ITGA9: variants seen among roughly 807,000 people sequenced by gnomAD.
The protein encoded by ITGA9 is integrin alpha-9.
ITGA9 carries 56 observed loss-of-function variants against 127.8 expected under a neutral mutation model. The ratio of observed to expected loss-of-function variants is 0.44; its 90% CI spans 0.35 to 0.55. The LOEUF is 0.55. ITGA9 is among the 20% of genes least tolerant of loss of function. The pLI is 0.00. For missense variants in ITGA9, 1,196 were observed against 1,347.1 expected (o/e 0.89, Z 1.76); for synonymous variants, 508 against 514.5 (o/e 0.99, Z 0.17).
chr3:37,521,133 GAA>G (rs2125581364), intron 11 of ITGA9, among the ~76,000 whole-genome samples: 1 of 152,268 alleles, frequency 6.6e-6, no homozygotes, highest in East Asian at 1.9e-4. Context: ...GAAAAAAAAA[GAA>G]AGAAGCAACT....
intron 25 of ITGA9, among the ~76,000 whole-genome samples, chr3:37,782,584 C>A: frequency 6.6e-6 from 1 of 152,290 alleles, no homozygotes; most frequent in Non-Finnish European, 1.5e-5. Flanking sequence ...CAAAGTTGAC[C>A]TGGAAGCCAG....
chr3:37,495,870 G>A (rs1194629327), intron 5 of ITGA9, among the ~76,000 whole-genome samples: 1 of 152,122 alleles, frequency 6.6e-6, no homozygotes, highest in Non-Finnish European at 1.5e-5. Context: ...TAGCCCCAGG[G>A]TCCTTCAAAT....
intron 15 of ITGA9, among the ~76,000 whole-genome samples, chr3:37,573,548 G>A (rs1353519454): frequency 2.0e-5 from 3 of 152,124 alleles, no homozygotes; most frequent in Non-Finnish European, 4.4e-5. Context: ...TTAGGACAGG[G>A]ACCTCAGATG....
intron 26 of ITGA9, among the ~76,000 whole-genome samples, chr3:37,794,428 C>G (rs915472918): frequency 6.6e-6 from 1 of 152,168 alleles, no homozygotes; most frequent in Non-Finnish European, 1.5e-5. Context: ...TAGGAGTGAC[C>G]CTTGGCTCTA....
chr3:37,681,847 G>A (rs561299988), intron 17 of ITGA9, among the ~76,000 whole-genome samples: 2 of 151,530 alleles, frequency 1.3e-5, no homozygotes, highest in South Asian at 2.1e-4. Flanking sequence ...CCTCTCAAAC[G>A]TTCACCTCTT....
intron 26 of ITGA9, among the ~76,000 whole-genome samples, chr3:37,785,539 T>C (rs1165343324): frequency 6.6e-6 from 1 of 152,134 alleles, no homozygotes; most frequent in Non-Finnish European, 1.5e-5. Flanking sequence ...TGGTGTGCAG[T>C]CATAACTCCC....
At chr3:37,642,462 G>GGCTA in intron 16 of ITGA9, among the ~76,000 whole-genome samples, 1 of 152,188 alleles carries the variant, frequency 6.6e-6, no homozygotes, top group East Asian at 1.9e-4. Context: ...AAGAACACAA[G>GGCTA]GCTAGTTCCT....
intron 16 of ITGA9, among the ~76,000 whole-genome samples, chr3:37,646,649 G>C (rs1465910744): frequency 6.6e-6 from 1 of 152,236 alleles, no homozygotes; most frequent in East Asian, 1.9e-4. Flanking sequence ...GAAATAACTA[G>C]ACAGGGCTTT....
At position 37,744,046 on chromosome 3, in the gene ITGA9, T is replaced by C; in HGVS notation, c.2433+12T>C. 6.4e-7 allele frequency: 1 copy of C among 1,553,544 alleles called. No individual in the cohort carries two copies. The highest frequency in any genetic ancestry group is 8.9e-7 in the Non-Finnish European group (1 of 1,124,656). ...ATATCACCCTTCAGGTACCCACTCC[T>C]GGAGACCTCCTCTGTCCGTGGGGGC... On this transcript the variant is annotated intron_variant, in intron 22 of 27. Transcript: ENST00000264741.
At chr3:37,623,774 G>A (rs1341811259) in intron 15 of ITGA9, among the ~76,000 whole-genome samples, 10 of 151,824 alleles carry the variant, frequency 6.6e-5, no homozygotes, top group Admixed American at 6.6e-4. Flanking sequence ...TATCATTACT[G>A]GAAATGCAAA....
intron 18 of ITGA9, among the ~76,000 whole-genome samples, chr3:37,693,511 C>T (rs1338559587): frequency 6.6e-6 from 1 of 152,136 alleles, no homozygotes; most frequent in East Asian, 1.9e-4. Context: ...AGGGTGGTCC[C>T]TTTCTTTCAG....
intron 4 of ITGA9, among the ~76,000 whole-genome samples, chr3:37,485,609 C>T (rs1199806685): frequency 1.3e-5 from 2 of 152,136 alleles, no homozygotes; most frequent in Admixed American, 6.5e-5. Flanking sequence ...GCCAGCTGTG[C>T]TCCTTTACAA....
intron 23 of ITGA9, among the ~76,000 whole-genome samples, chr3:37,754,776 G>T (rs1696629950): frequency 6.6e-6 from 1 of 152,110 alleles, no homozygotes; most frequent in African/African-American, 2.4e-5. Flanking sequence ...CCCTCCCCAT[G>T]CTTGTACAGT....
At chr3:37,476,792 G>A (rs1005582750) in intron 3 of ITGA9, among the ~76,000 whole-genome samples, 2 of 152,118 alleles carry the variant, frequency 1.3e-5, no homozygotes, top group African/African-American at 2.4e-5. Context: ...TTATTTTGTG[G>A]CCATATGTCC....
At chr3:37,781,507 T>C (rs1362120131) in intron 25 of ITGA9, among the ~76,000 whole-genome samples, 2 of 152,242 alleles carry the variant, frequency 1.3e-5, no homozygotes, top group African/African-American at 4.8e-5. Context: ...TTTGCTATTA[T>C]GAGTTTATCA....
chr3:37,476,912 A>C (rs1698500625), intron 3 of ITGA9, among the ~76,000 whole-genome samples: 1 of 152,138 alleles, frequency 6.6e-6, no homozygotes, highest in South Asian at 2.1e-4. Flanking sequence ...TTTGAATAAT[A>C]CAGGGACTGA....
chr3:37,744,067 G>T (rs762571088), intron 22 of ITGA9, 33 bp downstream of exon 22: 2 of 1,409,704 alleles, frequency 1.4e-6, no homozygotes, highest in Admixed American at 3.3e-5. Context: ...TCTGTCCGTG[G>T]GGGCTAACGG....
At position 37,512,128 on chromosome 3, in the gene ITGA9, T is replaced by C. The variant is rs1180619522; in HGVS notation, c.898-1635T>C. 8.0e-3 allele frequency among the ~76,000 whole-genome samples: 79 copies of C among 9,846 alleles called. 5 individuals carry two copies. The highest frequency in any genetic ancestry group is 0.024 in the Middle Eastern group (1 of 42). 6.5% of individuals were successfully genotyped at this position (9,846 alleles called of 152,430 possible). A position where few individuals can be genotyped will look rare whatever the true frequency, so the allele number is the denominator to read the frequency against. On this transcript the variant is annotated intron_variant, in intron 8 of 27. Coordinates refer to ENST00000264741, the MANE Select transcript of ITGA9 (RefSeq NM_002207.3). ...TCCTTCCTTCCTTCCTTCTTTCTTTTCTTTTCTTTTCTTTTCTTTTCTTTT... is the reference window on the plus strand; with the variant it reads ...TCCTTCCTTCCTTCCTTCTTTCTTTCCTTTTCTTTTCTTTTCTTTTCTTTT...
chr3:37,733,121 T>A, intron 19 of ITGA9: 1 of 371,662 alleles, frequency 2.7e-6, no homozygotes, highest in Non-Finnish European at 5.2e-6. Context: ...TCTGAGACAT[T>A]CTGTGCCTCT....
Sources: allele counts gnomAD v4.1 joint callset (sites outside exome capture counted in the v4.1 genomes callset), GRCh38; gene constraint gnomAD v4.1.1; transcripts MANE v1.5; gene names NCBI Gene and HGNC (gene_info 2026-07-23, HGNC 2026-07-21).